SEC24B: variants seen among roughly 807,000 people sequenced by gnomAD.
SEC24B encodes SEC24 homolog B, COPII component.
SEC24B carries 45 observed loss-of-function variants against 142.8 expected under a neutral mutation model. The observed-to-expected ratio is 0.32, with a 90% confidence interval of 0.25 to 0.40. The LOEUF is 0.40. Among genes scored for constraint, SEC24B ranks in the 10% least tolerant of loss-of-function variants. The probability of loss-of-function intolerance (pLI) is 1.00; values close to 1 mark genes in which losing one functional copy is unlikely to be tolerated. For missense variants in SEC24B, 1,409 were observed against 1,526.8 expected (o/e 0.92, Z 1.29); for synonymous variants, 574 against 568.2 (o/e 1.01, Z -0.15).
At chr4:109,452,682 C>T (rs1455198909) in intron 1 of SEC24B, among the ~76,000 whole-genome samples, 1 of 152,162 alleles carries the variant, frequency 6.6e-6, no homozygotes, top group Non-Finnish European at 1.5e-5. Context: ...TACATTCTTA[C>T]ATCTTTTGTG....
chr4:109,521,523 C>G lies in SEC24B; in HGVS notation c.2405C>G (p.Ser802Cys), dbSNP rs1723613342. Residue 802 changes from serine (S) to cysteine (C), a missense_variant, in exon 14 of 24, where the codon TCT (serine) becomes TGT (cysteine). Transcript: ENST00000265175. ...PALQAAFKLM[S>C]PTGGRVSVFQ... is the part of the protein sequence containing the mutation. ...CTTCAGGCTGCCTTTAAATTAATGT[C>G]TCCAACAGGTGGCCGTGTGTCTGTA... The G allele has an allele frequency of 6.2e-7, 1 of 1,614,094 alleles. No individual in the cohort carries two copies. The highest frequency in any genetic ancestry group is 1.3e-5 in the African/African-American group (1 of 75,042).
At chr4:109,515,274 GTATT>G (rs1737812611) in intron 10 of SEC24B, among the ~76,000 whole-genome samples, 1 of 151,798 alleles carries the variant, frequency 6.6e-6, no homozygotes, top group Non-Finnish European at 1.5e-5. Flanking sequence ...CTAATTTTTT[GTATT>G]TTTAAGTAGA....
At chr4:109,462,019 G>A (rs779996734) in intron 1 of SEC24B, among the ~76,000 whole-genome samples, 2 of 152,054 alleles carry the variant, frequency 1.3e-5, no homozygotes, top group Non-Finnish European at 2.9e-5. Flanking sequence ...GTGAGAGCCT[G>A]TCTCTGTAAA....
chr4:109,514,144 AC>A (rs1229695972), intron 10 of SEC24B, among the ~76,000 whole-genome samples: 1 of 152,158 alleles, frequency 6.6e-6, no homozygotes, highest in Non-Finnish European at 1.5e-5. Context: ...GGATATAGAT[AC>A]CCTTTTACCA....
intron 3 of SEC24B, among the ~76,000 whole-genome samples, chr4:109,478,176 C>G (rs1733372127): frequency 1.3e-5 from 2 of 151,900 alleles, no homozygotes; most frequent in Non-Finnish European, 2.9e-5. Flanking sequence ...ATCCCAGCTA[C>G]TCAGGAGGCT....
chr4:109,533,752 G>A, intron 22 of SEC24B, 67 bp downstream of exon 22: 1 of 943,550 alleles, frequency 1.1e-6, no homozygotes, highest in Non-Finnish European at 1.7e-6. Context: ...TAAAATTCAT[G>A]TAATATTCAC....
Position 109,503,316 on chromosome 4 carries a change from C to T in SEC24B, c.1489-3012C>T, listed in dbSNP as rs139013323. On this transcript the variant is annotated intron_variant, in intron 6 of 23. Transcript: ENST00000265175. ...TCGGCTCACTGCAACCTCTGCCTTC[C>T]GGTTTCAAGCGATTCTCCTGCCTCA... 5.3e-3 allele frequency among the ~76,000 whole-genome samples: 809 copies of T among 151,882 alleles called. 35 individuals are homozygous for T. The South Asian group carries it at 0.08, about 15-fold the overall frequency.
intron 2 of SEC24B, among the ~76,000 whole-genome samples, chr4:109,471,344 C>T (rs1388663005): frequency 6.6e-6 from 1 of 151,904 alleles, no homozygotes; most frequent in Non-Finnish European, 1.5e-5. Context: ...AGGGTTTTGC[C>T]GTGTTGCCCA....
chr4:109,447,233 T>C (rs1729563069), intron 1 of SEC24B, among the ~76,000 whole-genome samples: 1 of 152,302 alleles, frequency 6.6e-6, no homozygotes, highest in African/African-American at 2.4e-5. Context: ...ATGATAAGGA[T>C]GTGTGTAGAA....
intron 1 of SEC24B, among the ~76,000 whole-genome samples, chr4:109,444,804 A>T (rs1729286679): frequency 6.6e-6 from 1 of 152,192 alleles, no homozygotes; most frequent in Admixed American, 6.5e-5. Context: ...TTATTTCTTC[A>T]TTCAGATTGG....
intron 9 of SEC24B, among the ~76,000 whole-genome samples, chr4:109,513,370 G>C (rs569979906): frequency 2.0e-5 from 3 of 148,792 alleles, no homozygotes; most frequent in Non-Finnish European, 3.0e-5. Flanking sequence ...TGCAACCTCT[G>C]CCTCCCAGGT....
chr4:109,470,244 C>T (rs1315749580), intron 2 of SEC24B, among the ~76,000 whole-genome samples: 1 of 152,160 alleles, frequency 6.6e-6, no homozygotes. Context: ...CTTCCATATA[C>T]TCTAGAGAAG....
rs1228757560 is a variant in SEC24B, at chr4:109,462,903, C to T, written c.136C>T (p.Pro46Ser). Reference protein sequence around the residue: ...AGPAPHQQNGPAQNQMQVPSG... With the variant: ...AGPAPHQQNGSAQNQMQVPSG... ...CCTGTAAATACTTGCTTTTTCAGGT[C>T]CAGCCCAGAATCAAATGCAGGTTCC... Residue 46 changes from proline to serine, a missense_variant and splice_region_variant, in exon 2 of 24, where the codon CCA becomes TCA. By Grantham distance (74) the Pro-to-Ser change is moderately conservative (BLOSUM62 -1). This residue lies in a region of SEC24B where 709 missense variants were observed against 673.5 expected (regional missense o/e 1.05). Transcript: ENST00000265175. The T allele has an allele frequency of 6.2e-7, 1 of 1,602,714 alleles. No homozygotes were observed. Among genetic ancestry groups the T allele is most frequent in the Non-Finnish European group, 8.5e-7 (1 of 1,177,430 alleles).
chr4:109,437,535 C>G (rs1463144293), intron 1 of SEC24B, among the ~76,000 whole-genome samples: 1 of 152,204 alleles, frequency 6.6e-6, no homozygotes, highest in East Asian at 1.9e-4. Context: ...AGTGATCGTC[C>G]TGGCTAGACC....
At chr4:109,511,931 T>C (rs1737381102) in intron 8 of SEC24B, 26 bp from the exon 9 acceptor site, 2 of 1,608,934 alleles carry the variant, frequency 1.2e-6, no homozygotes, top group Non-Finnish European at 1.7e-6. Flanking sequence ...CTTTTTCTGC[T>C]ACAGCTTCTT....
intron 2 of SEC24B, among the ~76,000 whole-genome samples, chr4:109,468,984 G>A (rs974791993): frequency 1.3e-5 from 2 of 151,988 alleles, no homozygotes; most frequent in African/African-American, 4.8e-5. Context: ...TAACTAACAG[G>A]GAACTAAGGA....
chr4:109,531,356 C>T (rs762636669), intron 19 of SEC24B, 29 bp from the exon 20 acceptor site: 4 of 1,572,108 alleles, frequency 2.5e-6, no homozygotes, highest in Non-Finnish European at 3.5e-6. Context: ...TTGTATTTTA[C>T]TTGAAAACGT....
chr4:109,501,111 G>A (rs1736089090), intron 6 of SEC24B, among the ~76,000 whole-genome samples: 2 of 152,120 alleles, frequency 1.3e-5, no homozygotes, highest in South Asian at 4.1e-4. Context: ...ATTCATACTA[G>A]GTGTCCTATG....
chr4:109,462,277 C>T (rs1216930713), intron 1 of SEC24B, among the ~76,000 whole-genome samples: 1 of 152,230 alleles, frequency 6.6e-6, no homozygotes, highest in Middle Eastern at 3.4e-3. Context: ...CAAAATACCC[C>T]CTAAGCTTAA....
Sources: allele counts gnomAD v4.1 joint callset (sites outside exome capture counted in the v4.1 genomes callset), GRCh38; gene constraint gnomAD v4.1.1; regional missense constraint gnomAD v4.1.1; transcripts MANE v1.5; gene names NCBI Gene and HGNC (gene_info 2026-07-23, HGNC 2026-07-21).